The following HDAC9 variants were observed in gnomAD, a reference collection of about 807,000 sequenced individuals.
The protein encoded by HDAC9 is histone deacetylase 9.
HDAC9 carries 41 observed loss-of-function variants against 139.4 expected under a neutral mutation model. The ratio of observed to expected loss-of-function variants is 0.29; its 90% confidence interval spans 0.23 to 0.38. The LOEUF is 0.38. Among genes scored for constraint, HDAC9 ranks in the 10% least tolerant of loss-of-function variants. The pLI is 1.00. For synonymous variants in HDAC9, 517 were observed against 476.2 expected (o/e 1.09, Z -1.12); for missense variants, 1,147 against 1,297.0 (o/e 0.88, Z 1.78).
At chr7:18,153,634 A>G (rs541173982) in intron 1 of HDAC9, among the ~76,000 whole-genome samples, 12 of 152,264 alleles carry the variant, frequency 7.9e-5, no homozygotes, top group African/African-American at 2.2e-4. Context: ...TTACTTGAGC[A>G]TGGAAACTTG....
intron 6 of HDAC9, among the ~76,000 whole-genome samples, chr7:18,612,850 G>A (rs1366624400): frequency 6.6e-6 from 1 of 151,968 alleles, no homozygotes; most frequent in Non-Finnish European, 1.5e-5. Context: ...CAGATACTAA[G>A]AGGAGAATAT....
intron 2 of HDAC9, among the ~76,000 whole-genome samples, chr7:18,510,315 C>A (rs905666733): frequency 2.6e-5 from 4 of 152,032 alleles, no homozygotes; most frequent in Non-Finnish European, 5.9e-5. Context: ...TGTCTGCATT[C>A]AAAATGTGAA....
rs1482943360 is a variant in HDAC9, at chr7:18,739,738, G to C, written c.1910-9267G>C. On this transcript the variant is annotated intron_variant, in intron 13 of 25. Coordinates refer to ENST00000686413, the MANE Select transcript of HDAC9 (RefSeq NM_178425.4). ...CATGGGTGTCAGGGACCCACTCGAG[G>C]AGGCAGTCTGTCCATTCTCAGAGCT... Among the ~76,000 whole-genome samples the C allele has an allele frequency of 2.0e-5, 3 of 152,238 alleles. No individual in the cohort carries two copies. The East Asian group carries it at 5.8e-4, about 29-fold the overall frequency.
At chr7:18,719,666 G>A (rs1164618670) in intron 12 of HDAC9, among the ~76,000 whole-genome samples, 2 of 151,794 alleles carry the variant, frequency 1.3e-5, no homozygotes, top group African/African-American at 4.8e-5. Context: ...TTGGGGGAGG[G>A]GGTCTCTTTT....
chr7:18,844,953 A>T (rs150110864), intron 21 of HDAC9, among the ~76,000 whole-genome samples: 5 of 152,256 alleles, frequency 3.3e-5, no homozygotes, highest in Admixed American at 6.5e-5. Flanking sequence ...TGATTCAGTG[A>T]TGGCTTCCTT....
chr7:18,295,384 G>A (rs1269120172), intron 1 of HDAC9, among the ~76,000 whole-genome samples: 1 of 152,094 alleles, frequency 6.6e-6, no homozygotes, highest in East Asian at 1.9e-4. Context: ...TTGGTATCAT[G>A]GAGCTCATTG....
intron 1 of HDAC9, among the ~76,000 whole-genome samples, chr7:18,133,565 T>C (rs749855335): frequency 6.6e-6 from 1 of 152,150 alleles, no homozygotes; most frequent in Non-Finnish European, 1.5e-5. Context: ...TTTGCAATTA[T>C]AGGATGCACA....
At chr7:18,713,772 G>C (rs745683734) in intron 12 of HDAC9, among the ~76,000 whole-genome samples, 4 of 152,162 alleles carry the variant, frequency 2.6e-5, no homozygotes, top group African/African-American at 9.7e-5. Flanking sequence ...AGTGGTTAAA[G>C]ACTGTTAAAC....
rs375278924 is a variant in HDAC9 at position 18,599,451 on chromosome 7, C to T, written c.664+5422C>T. Among the ~76,000 whole-genome samples the T allele has an allele frequency of 1.6e-4, 24 of 152,256 alleles. 1 individual carries two copies. In the South Asian group the frequency reaches 4.1e-3, roughly 26 times the overall value. ...TTTACCACCCTAAAAATCTCCTGTG[C>T]CCCACCTATTCATCCTCCCCCCACC... On this transcript the variant is annotated intron_variant, in intron 6 of 25. Transcript: ENST00000686413.
intron 24 of HDAC9, among the ~76,000 whole-genome samples, chr7:18,975,325 A>G (rs915398381): frequency 6.6e-5 from 10 of 152,246 alleles, no homozygotes; most frequent in African/African-American, 2.4e-4. Context: ...CAAAGTTGCC[A>G]TTCAATTCAT....
chr7:18,388,001 T>C (rs1786102106), intron 1 of HDAC9, among the ~76,000 whole-genome samples: 2 of 152,212 alleles, frequency 1.3e-5, no homozygotes, highest in African/African-American at 2.4e-5. Context: ...CAGTGATTTC[T>C]TGTACTTTAA....
At chr7:18,154,313 A>G (rs1382065059) in intron 1 of HDAC9, among the ~76,000 whole-genome samples, 1 of 152,196 alleles carries the variant, frequency 6.6e-6, no homozygotes, top group Non-Finnish European at 1.5e-5. Context: ...AAAAGAAAGA[A>G]AAAGAATGAA....
At chr7:18,509,297 A>T in intron 2 of HDAC9, 1 of 985,368 alleles carries the variant, frequency 1.0e-6, no homozygotes, top group Non-Finnish European at 1.2e-6. Context: ...TGCCTTGTGG[A>T]AGGGGTGGGG....
chr7:18,134,534 T>C (rs995893365), intron 1 of HDAC9, among the ~76,000 whole-genome samples: 2 of 152,160 alleles, frequency 1.3e-5, no homozygotes, highest in African/African-American at 2.4e-5. Context: ...TTCATATGAA[T>C]TTTTAAAGGC....
intron 24 of HDAC9, among the ~76,000 whole-genome samples, chr7:18,963,855 G>A (rs1385845591): frequency 1.3e-5 from 2 of 152,120 alleles, no homozygotes; most frequent in African/African-American, 4.8e-5. Flanking sequence ...CTGTTTTATT[G>A]TCTAGTTTTT....
chr7:18,391,274 A>G (rs936894226), intron 1 of HDAC9, among the ~76,000 whole-genome samples: 3 of 151,928 alleles, frequency 2.0e-5, no homozygotes, highest in Non-Finnish European at 4.4e-5. Context: ...AATTCCAGCT[A>G]TGTGGGAGGC....
chr7:18,596,803 G>A (rs536304137), intron 6 of HDAC9, among the ~76,000 whole-genome samples: 3 of 152,020 alleles, frequency 2.0e-5, no homozygotes, highest in Non-Finnish European at 2.9e-5. Flanking sequence ...GTATCCTATC[G>A]TTTGATCTAT....
intron 17 of HDAC9, among the ~76,000 whole-genome samples, chr7:18,805,446 G>A (rs1585068368): frequency 6.6e-6 from 1 of 152,184 alleles, no homozygotes; most frequent in South Asian, 2.1e-4. Context: ...TGCCCATGTG[G>A]ATAGGTCCAA....
chr7:18,992,183 A>G (rs1786034943), intron 25 of HDAC9, among the ~76,000 whole-genome samples: 1 of 152,252 alleles, frequency 6.6e-6, no homozygotes, highest in African/African-American at 2.4e-5. Flanking sequence ...ATAAGTCTTT[A>G]GAGTACGTAT....
Sources: gnomAD v4.1 joint callset for allele counts (sites outside exome capture counted in the v4.1 genomes callset) on GRCh38, gnomAD v4.1.1 for gene constraint, MANE v1.5 for transcripts, NCBI Gene and HGNC (gene_info 2026-07-23, HGNC 2026-07-21) for gene names.